Variants in DSCAM observed in about 807,000 individuals in gnomAD.
DSCAM encodes cell adhesion molecule DSCAM.
A neutral mutation model predicts 217.7 loss-of-function variants in DSCAM; 47 were observed. The ratio of observed to expected loss-of-function variants is 0.22; its 90% CI spans 0.17 to 0.28. DSCAM has a LOEUF of 0.28. Ranked by LOEUF, DSCAM falls within the 10% of genes least tolerant of loss-of-function variation. DSCAM has a pLI of 1.00. For synonymous variants in DSCAM, 1,056 were observed against 1,015.3 expected (o/e 1.04, Z -0.76); for missense variants, 2,080 against 2,618.3 (o/e 0.79, Z 4.49).
chr21:40,135,268 C>CA (rs1377684781), intron 18 of DSCAM, among the ~76,000 whole-genome samples: 1 of 152,248 alleles, frequency 6.6e-6, no homozygotes, highest in Non-Finnish European at 1.5e-5. Context: ...CGTCAACTGA[C>CA]AATCCAGCTG....
chr21:40,031,534 C>A (rs1292676145), intron 32 of DSCAM, among the ~76,000 whole-genome samples: 1 of 152,158 alleles, frequency 6.6e-6, no homozygotes, highest in African/African-American at 2.4e-5. Context: ...TCAAAGACTG[C>A]AGGCAATGGG....
chr21:40,663,500 C>T (rs886247890), intron 3 of DSCAM, among the ~76,000 whole-genome samples: 3 of 152,136 alleles, frequency 2.0e-5, no homozygotes, highest in Non-Finnish European at 4.4e-5. Context: ...TCCAATTCTC[C>T]CTCTTAGAAT....
At chr21:40,755,557 T>C (rs1001688796) in intron 1 of DSCAM, among the ~76,000 whole-genome samples, 2 of 152,136 alleles carry the variant, frequency 1.3e-5, no homozygotes, top group Non-Finnish European at 2.9e-5. Context: ...ATAGAAACTC[T>C]GGATTGGTAG....
chr21:40,828,264 A>G (rs1371138232), intron 1 of DSCAM, among the ~76,000 whole-genome samples: 1 of 152,126 alleles, frequency 6.6e-6, no homozygotes, highest in Non-Finnish European at 1.5e-5. Context: ...AAAAATAAAT[A>G]CAAGGGCAAA....
intron 9 of DSCAM, among the ~76,000 whole-genome samples, chr21:40,303,225 G>T (rs2074035843): frequency 6.6e-6 from 1 of 152,038 alleles, no homozygotes; most frequent in Non-Finnish European, 1.5e-5. Flanking sequence ...AGATGGCCTG[G>T]CCTCTGCTTA....
At chr21:40,374,095 C>A (rs2074926717) in intron 3 of DSCAM, among the ~76,000 whole-genome samples, 1 of 152,094 alleles carries the variant, frequency 6.6e-6, no homozygotes. Flanking sequence ...TAGATATGTT[C>A]ATCATCTTGA....
At chr21:40,742,856 C>A (rs1314678650) in intron 1 of DSCAM, among the ~76,000 whole-genome samples, 1 of 152,152 alleles carries the variant, frequency 6.6e-6, no homozygotes, top group Admixed American at 6.5e-5. Flanking sequence ...ATATCATCAT[C>A]ATCCTTTTAA....
intron 1 of DSCAM, among the ~76,000 whole-genome samples, chr21:40,828,765 C>A (rs2091989839): frequency 6.6e-6 from 1 of 151,552 alleles, no homozygotes; most frequent in African/African-American, 2.4e-5. Flanking sequence ...AAGTGATTCT[C>A]CAGCCTCAGC....
intron 1 of DSCAM, among the ~76,000 whole-genome samples, chr21:40,810,150 A>G (rs2091825488): frequency 1.3e-5 from 2 of 152,180 alleles, no homozygotes; most frequent in Admixed American, 1.3e-4. Context: ...CTTGTAGTCT[A>G]AATGTTACTG....
At chr21:40,198,819 G>C (rs1259647583) in intron 11 of DSCAM, among the ~76,000 whole-genome samples, 1 of 152,186 alleles carries the variant, frequency 6.6e-6, no homozygotes, top group Non-Finnish European at 1.5e-5. Flanking sequence ...TGTCACACTG[G>C]ACTTCACTTG....
chr21:40,250,348 T>C (rs889737997), intron 11 of DSCAM, among the ~76,000 whole-genome samples: 4 of 152,230 alleles, frequency 2.6e-5, no homozygotes, highest in African/African-American at 9.6e-5. Context: ...AGATGAAGGC[T>C]ACTTCCTTTA....
chr21:40,773,384 C>T (rs1039174873), intron 1 of DSCAM, among the ~76,000 whole-genome samples: 24 of 152,328 alleles, frequency 1.6e-4, no homozygotes, highest in Middle Eastern at 3.4e-3. Context: ...CCAATTTCTA[C>T]CTCCGTCTTC....
intron 14 of DSCAM, among the ~76,000 whole-genome samples, chr21:40,182,727 CGG>C (rs377401248): frequency 3.4e-4 from 1 of 2,918 alleles, no homozygotes. Flanking sequence ...AAACCGTGGA[CGG>C]GGGGGCTACC....
chr21:40,255,097 G>A (rs917342584), intron 11 of DSCAM, among the ~76,000 whole-genome samples: 2 of 152,144 alleles, frequency 1.3e-5, no homozygotes, highest in Admixed American at 6.5e-5. Context: ...AATAAAGGAT[G>A]TTAAATCCCA....
At chr21:40,680,561 C>T (rs78475780) in intron 3 of DSCAM, among the ~76,000 whole-genome samples, 2 of 44,860 alleles carry the variant, frequency 4.5e-5, no homozygotes, top group Non-Finnish European at 1.0e-4. Context: ...TGTATTTTTG[C>T]TTATTTACTG....
intron 3 of DSCAM, chr21:40,384,855 A>T (rs1255620804): frequency 6.6e-6 from 1 of 152,154 alleles, no homozygotes; most frequent in South Asian, 2.1e-4. Flanking sequence ...TTTAACTGAA[A>T]AAGTACCAAT....
intron 6 of DSCAM, among the ~76,000 whole-genome samples, chr21:40,343,032 CGTTT>C (rs1006422151): frequency 1.1e-4 from 17 of 151,732 alleles, no homozygotes; most frequent in African/African-American, 3.2e-4. Flanking sequence ...AAATCTTTCA[CGTTT>C]GTTTAAAATA....
chr21:40,629,062 GTA>G (rs2089646516), intron 3 of DSCAM, among the ~76,000 whole-genome samples: 2 of 142,666 alleles, frequency 1.4e-5, no homozygotes, highest in Admixed American at 1.4e-4. Context: ...TGTGTGTGTA[GTA>G]TGTGTGTGTG....
intron 3 of DSCAM, among the ~76,000 whole-genome samples, chr21:40,382,311 C>T (rs2075034682): frequency 6.6e-6 from 1 of 152,096 alleles, no homozygotes. Flanking sequence ...TTGCCTCATC[C>T]TGACATTCAG....
Sources: allele counts gnomAD v4.1 joint callset (sites outside exome capture counted in the v4.1 genomes callset), GRCh38; gene constraint gnomAD v4.1.1; transcripts MANE v1.5; gene names NCBI Gene and HGNC (gene_info 2026-07-23, HGNC 2026-07-21).